The following SMG6 variants were observed in gnomAD, a reference collection of about 807,000 sequenced individuals.
The protein encoded by SMG6 is telomerase-binding protein EST1A.
A neutral mutation model predicts 142.2 loss-of-function variants in SMG6; 66 were observed. The observed-to-expected ratio is 0.46, with a 90% CI of 0.38 to 0.57. SMG6 has a LOEUF of 0.57. SMG6 is among the 20% of genes least tolerant of loss of function. SMG6 has a pLI of 0.00. For synonymous variants in SMG6, 779 were observed against 702.4 expected, an observed-to-expected ratio of 1.11 and a Z score of -1.72; for missense variants, 1,793 against 1,832.0, an observed-to-expected ratio of 0.98 and a Z score of 0.39.
At chr17:2,147,500 G>T (rs2070704829) in intron 13 of SMG6, among the ~76,000 whole-genome samples, 1 of 152,154 alleles carries the variant, frequency 6.6e-6, no homozygotes, top group Non-Finnish European at 1.5e-5. Context: ...TACTGGGAAG[G>T]CTGAGGCAGG....
At chr17:2,206,605 G>A (rs955585916) in intron 10 of SMG6, among the ~76,000 whole-genome samples, 11 of 151,356 alleles carry the variant, frequency 7.3e-5, no homozygotes, top group African/African-American at 2.2e-4. Context: ...ATTTGGCGGG[G>A]AGCAGTGGCT....
At chr17:2,144,318 C>T (rs1275204976) in intron 13 of SMG6, among the ~76,000 whole-genome samples, 3 of 152,040 alleles carry the variant, frequency 2.0e-5, no homozygotes, top group East Asian at 1.9e-4. Flanking sequence ...CTGCCCGCCT[C>T]GGCCTCCCAA....
intron 12 of SMG6, among the ~76,000 whole-genome samples, chr17:2,178,380 C>T (rs2071709448): frequency 6.6e-6 from 1 of 152,192 alleles, no homozygotes; most frequent in African/African-American, 2.4e-5. Flanking sequence ...TGCTGGGTGA[C>T]CCCTAAAGAG....
In SMG6 at chr17:2,283,709, G is replaced by A; in HGVS notation, c.2364C>T (p.Tyr788=). The part of the protein sequence containing the change: ...YTRRKLDAVY[Y]YMRSLAASNP... ...TGCTGGCAGCTAAACTGCGCATATA[G>A]TAATAGACAGCGTCAAGCTTCCTCC... Residue 788 remains tyrosine (Y), a synonymous_variant, in exon 7 of 19, where the codon TAC becomes TAT. Transcript: ENST00000263073. 1 of 1,614,110 alleles carries A rather than the reference G, an allele frequency of 6.2e-7. No homozygotes were observed. The highest frequency in any genetic ancestry group is 8.5e-7 in the Non-Finnish European group (1 of 1,180,000).
chr17:2,134,389 A>T (rs1033513232), intron 13 of SMG6, among the ~76,000 whole-genome samples: 3 of 120,872 alleles, frequency 2.5e-5, no homozygotes, highest in African/African-American at 9.6e-5. Context: ...ACAACCTGGG[A>T]GCCTGGGCGA....
intron 13 of SMG6, among the ~76,000 whole-genome samples, chr17:2,158,437 G>C (rs1262856176): frequency 6.6e-6 from 1 of 152,098 alleles, no homozygotes; most frequent in Non-Finnish European, 1.5e-5. Context: ...GAGTTTACTG[G>C]TAGTTAAGAA....
intron 13 of SMG6, among the ~76,000 whole-genome samples, chr17:2,148,840 C>G (rs1484423120): frequency 1.4e-5 from 2 of 145,100 alleles, no homozygotes; most frequent in African/African-American, 5.2e-5. Flanking sequence ...ACCTGGGAGG[C>G]AGAGTAAGAC....
intron 9 of SMG6, among the ~76,000 whole-genome samples, chr17:2,239,842 A>C (rs1056308984): frequency 6.6e-6 from 1 of 152,252 alleles, no homozygotes; most frequent in Non-Finnish European, 1.5e-5. Context: ...CAAAATAAAT[A>C]TATCAGTCTT....
At chr17:2,153,455 T>C (rs933732400) in intron 13 of SMG6, among the ~76,000 whole-genome samples, 5 of 152,214 alleles carry the variant, frequency 3.3e-5, no homozygotes, top group African/African-American at 1.2e-4. Context: ...TACATGAAAG[T>C]ATGTGTTTCT....
rs532233078 is a variant in SMG6 at position 2,153,963 on chromosome 17, G to A, written c.3357+18695C>T. ...CACGTAGAGTGTGACGGTGACTGGG[G>A]AACCTGGGGATGCATGTAGAGTGTG... On this transcript the variant is annotated intron_variant, in intron 13 of 18. Coordinates refer to ENST00000263073, the MANE Select transcript of SMG6 (RefSeq NM_017575.5). 5.7e-4 allele frequency among the ~76,000 whole-genome samples: 74 copies of A among 129,908 alleles called. No homozygotes were observed. In the Middle Eastern group the frequency reaches 0.017, roughly 29 times the overall value. The allele number at this position is 129,908 out of a possible 152,430, so 85.2% of individuals were successfully genotyped here.
intron 8 of SMG6, among the ~76,000 whole-genome samples, chr17:2,263,875 A>G (rs1404764008): frequency 6.6e-6 from 1 of 152,202 alleles, no homozygotes; most frequent in East Asian, 1.9e-4. Flanking sequence ...AAGAGGGTAG[A>G]GAGATGAAAT....
intron 4 of SMG6, among the ~76,000 whole-genome samples, chr17:2,295,519 C>T (rs2075126409): frequency 1.3e-5 from 2 of 152,158 alleles, no homozygotes; most frequent in South Asian, 4.1e-4. Context: ...CTTCCAGTTT[C>T]CCCAACTAAA....
chr17:2,147,335 G>T (rs1161590906), intron 13 of SMG6, among the ~76,000 whole-genome samples: 1 of 152,062 alleles, frequency 6.6e-6, no homozygotes, highest in Non-Finnish European at 1.5e-5. Flanking sequence ...AGAGGTTGCA[G>T]TGAGCCAGGA....
chr17:2,081,661 G>C (rs974864466), intron 15 of SMG6, 149 bp downstream of exon 15: 1 of 941,808 alleles, frequency 1.1e-6, no homozygotes, highest in Non-Finnish European at 1.6e-6. Context: ...GAATTTAGTG[G>C]TAGAGTGAAA....
At chr17:2,104,944 G>T (rs1349105771) in intron 13 of SMG6, among the ~76,000 whole-genome samples, 3 of 151,944 alleles carry the variant, frequency 2.0e-5, no homozygotes, top group Non-Finnish European at 2.9e-5. Context: ...GGGAGACAAG[G>T]TCACACTCTG....
intron 13 of SMG6, among the ~76,000 whole-genome samples, chr17:2,128,780 C>T (rs766493576): frequency 2.2e-4 from 31 of 142,632 alleles, no homozygotes; most frequent in South Asian, 4.5e-4. Flanking sequence ...GCCAAGATCG[C>T]GCCACGGCAC....
chr17:2,232,111 A>T (rs545255516), intron 10 of SMG6, among the ~76,000 whole-genome samples: 1 of 152,068 alleles, frequency 6.6e-6, no homozygotes, highest in Non-Finnish European at 1.5e-5. Context: ...GAAAAAAAAA[A>T]GGGCCAGATT....
At position 2,300,572 on chromosome 17, in the gene SMG6, T is replaced by G; in HGVS notation, c.181A>C (p.Asn61His). ...GGGGGTTCCTTGATTTTGGGCTTGT[T>G]CCTTAGCCGAGAAAGGCCAGGCTTA... Reference protein sequence around the residue: ...IYKPGLSRLRNKPKIKEPPGS... With the variant: ...IYKPGLSRLRHKPKIKEPPGS... The change falls in exon 2 of 19, where the codon AAC becomes CAC. Residue 61 changes from asparagine to histidine, a missense_variant. Asn to His is a moderately conservative substitution (Grantham distance 68, BLOSUM62 1). Transcript: ENST00000263073. 4 of 1,614,038 alleles carry G rather than the reference T, an allele frequency of 2.5e-6. No homozygotes were observed. Among genetic ancestry groups the G allele is most frequent in the Non-Finnish European group, 3.4e-6 (4 of 1,179,938 alleles).
chr17:2,282,041 T>C (rs975004895), intron 8 of SMG6, among the ~76,000 whole-genome samples: 9 of 152,238 alleles, frequency 5.9e-5, no homozygotes, highest in African/African-American at 2.2e-4. Context: ...TTAAGTCTCT[T>C]GCGTCCTCCA....
Sources: gnomAD v4.1 joint callset for allele counts (sites outside exome capture counted in the v4.1 genomes callset) on GRCh38, gnomAD v4.1.1 for gene constraint, MANE v1.5 for transcripts, NCBI Gene and HGNC (gene_info 2026-07-23, HGNC 2026-07-21) for gene names.